NOX4: variants seen among roughly 807,000 people sequenced by gnomAD.
NOX4 encodes NADPH oxidase 4.
A neutral mutation model predicts 87.6 loss-of-function variants in NOX4; 69 were observed. The ratio of observed to expected loss-of-function variants is 0.79; its 90% confidence interval spans 0.65 to 0.96. The LOEUF is 0.96. NOX4 is among the 40% of genes least tolerant of loss of function. NOX4 has a pLI of 0.00. For missense variants in NOX4, 680 were observed against 681.5 expected, an observed-to-expected ratio of 1.00 and a Z score of 0.02; for synonymous variants, 275 against 238.2, an observed-to-expected ratio of 1.15 and a Z score of -1.42.
intron 5 of NOX4, among the ~76,000 whole-genome samples, chr11:89,441,156 G>T (rs968752501): frequency 4.6e-5 from 7 of 152,140 alleles, no homozygotes; most frequent in Admixed American, 2.0e-4. Flanking sequence ...GGGGATTTGC[G>T]CATTGTAAGC....
intron 2 of NOX4, among the ~76,000 whole-genome samples, chr11:89,467,262 A>C (rs1234114892): frequency 1.4e-5 from 2 of 147,004 alleles, no homozygotes; most frequent in Admixed American, 6.9e-5. Flanking sequence ...GAGGCAGGAG[A>C]ATGGTGTGAA....
At chr11:89,544,356 G>A in the NOX4 span, among the ~76,000 whole-genome samples, 1 of 152,010 alleles carries the variant, frequency 6.6e-6, no homozygotes, top group Admixed American at 6.6e-5. Flanking sequence ...TGTAAAGGTA[G>A]GTACCACCAC....
Position 89,335,935 on chromosome 11 carries a change from C to A in NOX4, c.1526G>T (p.Gly509Val). ...SQTDGIQKII[G>V]EKYHALNSRL... ...TGAATTCAGTGCATGATATTTTTCT[C>A]CAATTATCTTCTGCCAAAAAGAAAG... The change falls in exon 17 of 18, where the codon GGA becomes GTA. Residue 509 changes from glycine to valine, a missense_variant. By Grantham distance (109) the Gly-to-Val change is moderately radical (BLOSUM62 -3). Transcript: ENST00000263317. 6.3e-7 allele frequency: 1 copy of A among 1,589,694 alleles called. No individual in the cohort carries two copies. The highest frequency in any genetic ancestry group is 1.2e-5 in the South Asian group (1 of 86,056).
intron 7 of NOX4, among the ~76,000 whole-genome samples, chr11:89,427,187 A>G (rs1725795385): frequency 6.6e-6 from 1 of 152,234 alleles, no homozygotes; most frequent in African/African-American, 2.4e-5. Context: ...AAAACTAACA[A>G]ACAGAAAAGA....
upstream of NOX4, among the ~76,000 whole-genome samples, chr11:89,495,770 T>C (rs899599304): frequency 1.3e-5 from 2 of 152,182 alleles, no homozygotes; most frequent in Non-Finnish European, 2.9e-5. Flanking sequence ...TCAAAAATTA[T>C]AGACCAGGAA....
At chr11:89,387,078 C>T (rs1172060210) in intron 11 of NOX4, among the ~76,000 whole-genome samples, 1 of 152,054 alleles carries the variant, frequency 6.6e-6, no homozygotes, top group African/African-American at 2.4e-5. Flanking sequence ...CTGCTTGAAG[C>T]AGCCCTGAGA....
At chr11:89,578,639 C>T in the NOX4 span, among the ~76,000 whole-genome samples, 69 of 152,124 alleles carry the variant, frequency 4.5e-4, no homozygotes, top group African/African-American at 1.4e-3. Flanking sequence ...TTTCTGACTC[C>T]AAGGTGAAGA....
At chr11:89,367,709 A>C (rs1442618871) in intron 12 of NOX4, among the ~76,000 whole-genome samples, 2 of 152,036 alleles carry the variant, frequency 1.3e-5, no homozygotes, top group Non-Finnish European at 2.9e-5. Flanking sequence ...ACCCATATAA[A>C]GGGCAAATTT....
chr11:89,552,272 G>C, the NOX4 span, among the ~76,000 whole-genome samples: 1 of 152,138 alleles, frequency 6.6e-6, no homozygotes, highest in Non-Finnish European at 1.5e-5. Context: ...TCCAATGTCA[G>C]ATCTGGGACT....
chr11:89,508,760 C>A, the NOX4 span, among the ~76,000 whole-genome samples: 5 of 152,084 alleles, frequency 3.3e-5, no homozygotes, highest in East Asian at 9.7e-4. Flanking sequence ...GCTCAAAACA[C>A]TTTCTCAGGT....
At chr11:89,381,320 C>T (rs1260342837) in intron 11 of NOX4, among the ~76,000 whole-genome samples, 1 of 152,028 alleles carries the variant, frequency 6.6e-6, no homozygotes, top group East Asian at 1.9e-4. Context: ...GCCTCCGAGC[C>T]CAAGCCTGCA....
At chr11:89,470,697 G>T (rs1945893883) in intron 2 of NOX4, among the ~76,000 whole-genome samples, 1 of 152,150 alleles carries the variant, frequency 6.6e-6, no homozygotes, top group African/African-American at 2.4e-5. Flanking sequence ...TTTTCTATGA[G>T]ACTGCGTAGA....
At chr11:89,485,617 A>G (rs891583893) in intron 2 of NOX4, among the ~76,000 whole-genome samples, 1 of 152,166 alleles carries the variant, frequency 6.6e-6, no homozygotes, top group African/African-American at 2.4e-5. Context: ...AGAAAACTAC[A>G]TTTCTGAGAG....
At chr11:89,514,202 T>C in the NOX4 span, among the ~76,000 whole-genome samples, 2 of 152,032 alleles carry the variant, frequency 1.3e-5, no homozygotes, top group Non-Finnish European at 2.9e-5. Context: ...TAGTTTTAGC[T>C]CATGAATATC....
the NOX4 span, among the ~76,000 whole-genome samples, chr11:89,532,401 A>G: frequency 6.6e-6 from 1 of 152,250 alleles, no homozygotes. Context: ...GAGCTTTAAG[A>G]TTTAACGACT....
intron 17 of NOX4, among the ~76,000 whole-genome samples, chr11:89,331,883 C>T (rs951992593): frequency 1.3e-5 from 2 of 151,682 alleles, no homozygotes; most frequent in South Asian, 2.1e-4. Flanking sequence ...CCTAATGTCA[C>T]TCTCACTAAC....
At chr11:89,487,760 A>T (rs2135490036) in intron 2 of NOX4, among the ~76,000 whole-genome samples, 1 of 152,314 alleles carries the variant, frequency 6.6e-6, no homozygotes, top group Non-Finnish European at 1.5e-5. Flanking sequence ...AATGTAAAAC[A>T]TCAGAACCAG....
At chr11:89,374,914 G>A (rs1361971781) in intron 11 of NOX4, among the ~76,000 whole-genome samples, 1 of 152,140 alleles carries the variant, frequency 6.6e-6, no homozygotes, top group Non-Finnish European at 1.5e-5. Flanking sequence ...AGTTAATGTA[G>A]GTCTTGTAGG....
Position 89,450,815 on chromosome 11 carries a change from C to G in NOX4, c.264+970G>C, listed in dbSNP as rs186974814. ...CACAATAGTAAAGACTTGGAACCAA[C>G]CCAAATGTCCAACAATGATAGACTG... is the stretch of plus-strand genomic sequence containing the variant. On this transcript the variant is annotated intron_variant, in intron 3 of 17. Transcript: ENST00000263317. 1.7e-4 allele frequency among the ~76,000 whole-genome samples: 26 copies of G among 150,548 alleles called. No homozygotes were observed. The East Asian group carries it at 5.1e-3, about 30-fold the overall frequency.
Sources: allele counts gnomAD v4.1 joint callset (sites outside exome capture counted in the v4.1 genomes callset), GRCh38; gene constraint gnomAD v4.1.1; transcripts MANE v1.5; gene names NCBI Gene and HGNC (gene_info 2026-07-23, HGNC 2026-07-21).